The following DLGAP2 variants were observed in gnomAD, a reference collection of about 807,000 sequenced individuals.
DLGAP2 encodes the protein DLG associated protein 2, also known as disks large-associated protein 2.
Under a neutral mutation model 100.3 loss-of-function variants are expected in DLGAP2, and 26 were observed. That is an observed-to-expected ratio of 0.26 (90% CI 0.19 to 0.36). DLGAP2 has a LOEUF of 0.36. DLGAP2 is among the 10% of genes least tolerant of loss of function. The pLI is 1.00. For missense variants in DLGAP2, 1,858 were observed against 1,453.2 expected, an observed-to-expected ratio of 1.28 and a Z score of -4.53; for synonymous variants, 886 against 630.1, an observed-to-expected ratio of 1.41 and a Z score of -6.08.
At position 1,549,083 on chromosome 8, in the gene DLGAP2, G is replaced by T. The variant is rs753967195; in HGVS notation, c.630G>T (p.Leu210=). The T allele has an allele frequency of 2.5e-6, 4 of 1,587,188 alleles. No individual in the cohort carries two copies. The South Asian group carries it at 3.4e-5, about 13-fold the overall frequency. Residue 210 remains leucine, a synonymous_variant, in exon 5 of 15, where the codon CTG becomes CTT. Transcript: ENST00000637795. Reference sequence around the variant, plus strand: ...TGCACCGGGACGGCTTCCACACGCTGCAGTACCAGAGGACGTCCGCGGCCG... The same window carrying T: ...TGCACCGGGACGGCTTCCACACGCTTCAGTACCAGAGGACGTCCGCGGCCG... ...LPLHRDGFHT[L]QYQRTSAAAE... is the part of the protein sequence containing the mutation.
chr8:1,177,910 A>G (rs1044469827), intron 2 of DLGAP2, among the ~76,000 whole-genome samples: 6 of 152,200 alleles, frequency 3.9e-5, no homozygotes, highest in African/African-American at 1.4e-4. Context: ...AGGGAGATGC[A>G]TTCCGGCCAG....
At chr8:1,140,353 GCA>G (rs1796500650) in intron 2 of DLGAP2, among the ~76,000 whole-genome samples, 1 of 124,554 alleles carries the variant, frequency 8.0e-6, no homozygotes. Context: ...GCAGAACAGG[GCA>G]CACACACCTG....
At chr8:884,670 C>T (rs1310426791) in intron 1 of DLGAP2, among the ~76,000 whole-genome samples, 1 of 152,136 alleles carries the variant, frequency 6.6e-6, no homozygotes, top group Non-Finnish European at 1.5e-5. Flanking sequence ...CTTTTATTGC[C>T]ACTGCTTTTG....
At chr8:1,596,696 G>A (rs2956938) in intron 6 of DLGAP2, among the ~76,000 whole-genome samples, 2 of 152,022 alleles carry the variant, frequency 1.3e-5, no homozygotes, top group African/African-American at 2.4e-5. Flanking sequence ...TGTTCATATC[G>A]TTCACCCACT....
intron 4 of DLGAP2, among the ~76,000 whole-genome samples, chr8:1,505,471 C>T (rs1183565780): frequency 1.3e-5 from 2 of 152,126 alleles, no homozygotes; most frequent in African/African-American, 4.8e-5. Context: ...CCATTAGTGC[C>T]AGATGAATTA....
intron 3 of DLGAP2, among the ~76,000 whole-genome samples, chr8:1,326,440 C>T (rs1334137776): frequency 1.3e-5 from 2 of 152,194 alleles, no homozygotes; most frequent in Non-Finnish European, 2.9e-5. Context: ...AGGAAAGGAG[C>T]TCTGGGCCGC....
At chr8:1,409,582 T>A (rs78634391) in intron 3 of DLGAP2, among the ~76,000 whole-genome samples, 1 of 150,948 alleles carries the variant, frequency 6.6e-6, no homozygotes, top group Non-Finnish European at 1.5e-5. Flanking sequence ...CTCCGTCACC[T>A]AGACTGGGAT....
chr8:1,229,135 C>G (rs1798481653), intron 2 of DLGAP2, among the ~76,000 whole-genome samples: 1 of 151,802 alleles, frequency 6.6e-6, no homozygotes, highest in South Asian at 2.1e-4. Flanking sequence ...TGCCAATGTA[C>G]AATACAAAAA....
intron 6 of DLGAP2, among the ~76,000 whole-genome samples, chr8:1,620,734 C>G (rs1290951649): frequency 6.6e-6 from 1 of 152,146 alleles, no homozygotes; most frequent in African/African-American, 2.4e-5. Context: ...GGGTCTGTGT[C>G]CAGGACACCA....
chr8:1,531,104 A>G (rs1283872765), intron 4 of DLGAP2, among the ~76,000 whole-genome samples: 1 of 152,214 alleles, frequency 6.6e-6, no homozygotes, highest in African/African-American at 2.4e-5. Context: ...CATTCCCTTG[A>G]AAGTGCTGAA....
At position 1,524,288 on chromosome 8, in the gene DLGAP2, G is replaced by C. The variant is rs1039515851; in HGVS notation, c.172+22857G>C. On this transcript the variant is annotated intron_variant, in intron 4 of 14. Transcript: ENST00000637795. ...TGTTGTCCACCAATCTCCTTAGAAG[G>C]TTGTCTCTTTAGGGGACAACACAGA... is the stretch of plus-strand genomic sequence containing the variant. 3.3e-5 allele frequency among the ~76,000 whole-genome samples: 5 copies of C among 152,220 alleles called. 1 individual carries two copies. The Middle Eastern group carries it at 0.01, about 311-fold the overall frequency.
chr8:1,603,910 C>G (rs982259791), intron 6 of DLGAP2, among the ~76,000 whole-genome samples: 1 of 152,126 alleles, frequency 6.6e-6, no homozygotes, highest in African/African-American at 2.4e-5. Flanking sequence ...TTACTAAACT[C>G]AAGTTGCCTC....
chr8:1,661,160 A>G (rs2130825103), intron 8 of DLGAP2, among the ~76,000 whole-genome samples: 1 of 152,326 alleles, frequency 6.6e-6, no homozygotes, highest in South Asian at 2.1e-4. Flanking sequence ...AAGCCTTTCA[A>G]GCTGGTTTTC....
At chr8:1,576,402 C>G (rs1248463661) in intron 6 of DLGAP2, among the ~76,000 whole-genome samples, 1 of 151,948 alleles carries the variant, frequency 6.6e-6, no homozygotes, top group Non-Finnish European at 1.5e-5. Flanking sequence ...CAAAAATTTT[C>G]TCCCATTCTG....
At chr8:949,075 G>A (rs1237222228) in intron 2 of DLGAP2, among the ~76,000 whole-genome samples, 1 of 152,232 alleles carries the variant, frequency 6.6e-6, no homozygotes, top group African/African-American at 2.4e-5. Context: ...CGTGACTGCC[G>A]CCGTCTTGAG....
chr8:895,669 G>T (rs547712132), intron 1 of DLGAP2, among the ~76,000 whole-genome samples: 65 of 152,330 alleles, frequency 4.3e-4, no homozygotes, highest in Non-Finnish European at 8.2e-4. Context: ...GTTTATGAGA[G>T]CCCTTTCGGT....
intron 1 of DLGAP2, among the ~76,000 whole-genome samples, chr8:802,935 A>G (rs1445008628): frequency 6.6e-6 from 1 of 152,178 alleles, no homozygotes; most frequent in African/African-American, 2.4e-5. Flanking sequence ...GTCTAAATAA[A>G]GGAAAGGTGG....
chr8:1,061,413 C>T (rs1397704445), intron 2 of DLGAP2, among the ~76,000 whole-genome samples: 2 of 152,096 alleles, frequency 1.3e-5, no homozygotes, highest in Non-Finnish European at 2.9e-5. Context: ...GGCTCATCCA[C>T]GTGTTCGTTG....
At chr8:1,522,946 A>G (rs1200816292) in intron 4 of DLGAP2, among the ~76,000 whole-genome samples, 1 of 152,198 alleles carries the variant, frequency 6.6e-6, no homozygotes, top group African/African-American at 2.4e-5. Flanking sequence ...ACAGATGTAT[A>G]TGTTTTAAAG....
Sources: allele counts gnomAD v4.1 joint callset (sites outside exome capture counted in the v4.1 genomes callset), GRCh38; gene constraint gnomAD v4.1.1; transcripts MANE v1.5; gene names NCBI Gene and HGNC (gene_info 2026-07-23, HGNC 2026-07-21).